PLAGL1: variants seen among roughly 807,000 people sequenced by gnomAD.
The protein encoded by PLAGL1 is PLAG1 like zinc finger 1.
PLAGL1 carries 1 observed loss-of-function variant against 4.6 expected under a neutral mutation model. That is an observed-to-expected ratio of 0.22 (90% CI 0.08 to 1.03). The LOEUF is 1.03. Ranked by LOEUF, PLAGL1 falls within the 50% of genes least tolerant of loss-of-function variation. The pLI is 0.58. For synonymous variants in PLAGL1, 240 were observed against 237.8 expected, an observed-to-expected ratio of 1.01 and a Z score of -0.08; for missense variants, 464 against 570.4, an observed-to-expected ratio of 0.81 and a Z score of 1.90.
intron 1 of PLAGL1, among the ~76,000 whole-genome samples, chr6:144,052,941 C>T (rs547601792): frequency 1.5e-4 from 23 of 152,242 alleles, no homozygotes; most frequent in African/African-American, 5.5e-4. Flanking sequence ...CCATTTAATT[C>T]TTTCTTGGTA....
chr6:144,008,577 G>A (rs1047062798), upstream of PLAGL1, among the ~76,000 whole-genome samples: 3 of 152,248 alleles, frequency 2.0e-5, no homozygotes, highest in Non-Finnish European at 2.9e-5. The surrounding 1 kb of genome is among the most constrained non-coding windows in gnomAD (Gnocchi z 6.9). Flanking sequence ...AGCCAAGGTC[G>A]CCCAGGTACA....
chr6:143,980,657 A>G (rs1013222777), intron 2 of PLAGL1, among the ~76,000 whole-genome samples: 1 of 152,128 alleles, frequency 6.6e-6, no homozygotes, highest in African/African-American at 2.4e-5. Context: ...TAGTACCTCC[A>G]CTTATTAGAT....
chr6:143,970,869 T>G lies in PLAGL1; in HGVS notation c.-543-1891A>C, dbSNP rs901110802. ...GCATAGCAAGACCACAATTTTTAAC[T>G]GCAGTTACTTCCCTGGCCTGTCTGT... On this transcript the variant is annotated intron_variant, in intron 2 of 7. Transcript: ENST00000674357. This position sits in a 1 kb window ranked among gnomAD's most constrained non-coding sequence, Gnocchi z 5.8. Among the ~76,000 whole-genome samples, 1 of 152,220 alleles carries G rather than the reference T, an allele frequency of 6.6e-6. No individual in the cohort carries two copies. The highest frequency in any genetic ancestry group is 2.4e-5 in the African/African-American group (1 of 41,468).
chr6:143,948,044 C>T lies in PLAGL1; in HGVS notation c.93G>A (p.Pro31=), dbSNP rs565249616. 7.4e-5 allele frequency: 120 copies of T among 1,614,016 alleles called. 1 individual carries two copies. In the South Asian group the frequency reaches 1.2e-3, roughly 17 times the overall value. ...CACAGTCAGGCTGCACACACTTGTA[C>T]GGCCGCTCCCTGGAGTGGGAATAAT... ...IHNYSHSRER[P]YKCVQPDCGK... Residue 31 remains proline, a synonymous_variant, in exon 7 of 8, where the codon CCG becomes CCA. Transcript: ENST00000674357. The surrounding 1 kb of genome is among the most constrained non-coding windows in gnomAD (Gnocchi z 6.0).
intron 1 of PLAGL1, among the ~76,000 whole-genome samples, chr6:143,988,323 G>C (rs985122262): frequency 5.9e-5 from 9 of 152,192 alleles, no homozygotes; most frequent in African/African-American, 1.7e-4. Flanking sequence ...AGAGGATAAA[G>C]ACTATATCTG....
chr6:144,043,728 AT>A (rs1797915139), intron 1 of PLAGL1, among the ~76,000 whole-genome samples: 1 of 151,874 alleles, frequency 6.6e-6, no homozygotes, highest in Non-Finnish European at 1.5e-5. Context: ...TTTTCTATTG[AT>A]TGGAATTGTT....
In PLAGL1 at chr6:143,942,015, G is replaced by C; in HGVS notation, c.801C>G (p.Pro267=). The stretch of plus-strand genomic sequence containing the variant: ...GCATAGGCTGGGCGGCTTGTTCTGG[G>C]GGACTGAGGGTGAGGCTATGGACCT... The part of the protein sequence containing the change: ...PAEVHSLTLS[P]PEQAAQPMQP... The change falls in exon 8 of 8, where the codon CCC becomes CCG. Residue 267 remains proline (P), a synonymous_variant. Coordinates refer to ENST00000674357, the MANE Select transcript of PLAGL1 (RefSeq NM_001317162.2). This position sits in a 1 kb window ranked among gnomAD's most constrained non-coding sequence, Gnocchi z 7.6. 3 of 1,595,830 alleles carry C rather than the reference G, an allele frequency of 1.9e-6. No homozygotes were observed. The highest frequency in any genetic ancestry group is 2.6e-6 in the Non-Finnish European group (3 of 1,170,580).
At position 143,960,029 on chromosome 6, in the gene PLAGL1, C is replaced by T. The variant is rs1040033914; in HGVS notation, c.-325+440G>A. 1.3e-5 allele frequency among the ~76,000 whole-genome samples: 2 copies of T among 152,200 alleles called. No homozygotes were observed. The highest frequency in any genetic ancestry group is 2.4e-5 in the African/African-American group (1 of 41,448). ...TGGATTGCCTCATGTGGCTGGGATG[C>T]GACCAGCATCTTTCCCAGGCTTATC... On this transcript the variant is annotated intron_variant, in intron 6 of 7. Transcript: ENST00000674357. This position sits in a 1 kb window ranked among gnomAD's most constrained non-coding sequence, Gnocchi z 5.7.
rs1784233357 is a variant in PLAGL1 at position 143,965,392 on chromosome 6, C to G, written c.-430-574G>C. 1 of 152,182 alleles carries G rather than the reference C, an allele frequency of 6.6e-6. No individual in the cohort carries two copies. Among genetic ancestry groups the G allele is most frequent in the Admixed American group, 6.5e-5 (1 of 15,270 alleles). 9.4% of individuals were successfully genotyped at this position (152,182 alleles called of 1,614,324 possible). ...GAACTTTTAGTGCTGAGAGCTCTGGCTGGGAGAACCTCACATTCCTAAGAA... is the reference window on the plus strand; with the variant it reads ...GAACTTTTAGTGCTGAGAGCTCTGGGTGGGAGAACCTCACATTCCTAAGAA... On this transcript the variant is annotated intron_variant, in intron 4 of 7. Coordinates refer to ENST00000674357, the MANE Select transcript of PLAGL1 (RefSeq NM_001317162.2). The surrounding 1 kb of genome is among the most constrained non-coding windows in gnomAD (Gnocchi z 7.5).
intron 1 of PLAGL1, among the ~76,000 whole-genome samples, chr6:143,992,246 TTC>T (rs1375559253): frequency 2.0e-5 from 3 of 152,344 alleles, no homozygotes; most frequent in East Asian, 3.9e-4. Context: ...CCATTGAATA[TTC>T]TTTTTTTGAA....
rs1328419308 is a variant in PLAGL1 at position 143,989,930 on chromosome 6, G to C, written c.-583-4756C>G. Among the ~76,000 whole-genome samples, 1 of 152,040 alleles carries C rather than the reference G, an allele frequency of 6.6e-6. No homozygotes were observed. The highest frequency in any genetic ancestry group is 1.5e-5 in the Non-Finnish European group (1 of 68,016). On this transcript the variant is annotated intron_variant, in intron 1 of 7. Transcript: ENST00000674357. This position sits in a 1 kb window ranked among gnomAD's most constrained non-coding sequence, Gnocchi z 4.8. ...TTAATGCTTCTGTGAGAAAACAAAA[G>C]CTGTTGGATAGGGCATCTCTGCCTT...
In PLAGL1 at chr6:144,036,071, G is replaced by A. The variant is rs1797216236; in HGVS notation, c.-151+28397C>T. 6.6e-6 allele frequency among the ~76,000 whole-genome samples: 1 copy of A among 152,122 alleles called. No homozygotes were observed. The highest frequency in any genetic ancestry group is 1.5e-5 in the Non-Finnish European group (1 of 68,022). ...CCTCAATGCAGGACTCCAACCCCAA[G>A]AAAGTGCTTCAAGGACACCCCAGGT... On this transcript the variant is annotated intron_variant, in intron 1 of 3. Coordinates refer to the PLAGL1 transcript ENST00000437412. This position sits in a 1 kb window ranked among gnomAD's most constrained non-coding sequence, Gnocchi z 5.1.
At chr6:144,049,513 G>A (rs1247443274) in intron 1 of PLAGL1, among the ~76,000 whole-genome samples, 1 of 152,230 alleles carries the variant, frequency 6.6e-6, no homozygotes, top group Non-Finnish European at 1.5e-5. Flanking sequence ...TACAATCATG[G>A]TGGAAAGCAA....
In PLAGL1 at chr6:143,941,562, C is replaced by G; in HGVS notation, c.1254G>C (p.Leu418=). ...GTGGGGGTTCTTGCTGCTGCTGCCC[C>G]AGACAGCTTAACCTGTGGGGCAAAG... The part of the protein sequence containing the change: ...GESLPHRLSC[L]GQQQQEPPLA... The change falls in exon 8 of 8, where the codon CTG becomes CTC. Residue 418 remains leucine, a synonymous_variant. Coordinates refer to ENST00000674357, the MANE Select transcript of PLAGL1 (RefSeq NM_001317162.2). This position sits in a 1 kb window ranked among gnomAD's most constrained non-coding sequence, Gnocchi z 6.0. 6.3e-7 allele frequency: 1 copy of G among 1,588,954 alleles called. No individual in the cohort carries two copies. Among genetic ancestry groups the G allele is most frequent in the Non-Finnish European group, 8.6e-7 (1 of 1,166,608 alleles).
In PLAGL1 at chr6:143,990,502, G is replaced by A. The variant is rs1413155561; in HGVS notation, c.-583-5328C>T. 2.0e-5 allele frequency among the ~76,000 whole-genome samples: 3 copies of A among 152,100 alleles called. No individual in the cohort carries two copies. Among genetic ancestry groups the A allele is most frequent in the Non-Finnish European group, 4.4e-5 (3 of 68,022 alleles). On this transcript the variant is annotated intron_variant, in intron 1 of 7. Coordinates refer to ENST00000674357, the MANE Select transcript of PLAGL1 (RefSeq NM_001317162.2). This position sits in a 1 kb window ranked among gnomAD's most constrained non-coding sequence, Gnocchi z 5.4. ...CCCACCCTTTCTCAGACAAACTTCTGAAAAGAACAGAAAACTTAGATAATC... is the reference window on the plus strand; with the variant it reads ...CCCACCCTTTCTCAGACAAACTTCTAAAAAGAACAGAAAACTTAGATAATC...
rs768076125 is a variant in PLAGL1 at position 143,941,445 on chromosome 6, A to G, written c.1371T>C (p.His457=). The G allele has an allele frequency of 6.7e-7, 1 of 1,502,524 alleles. No homozygotes were observed. Among genetic ancestry groups the G allele is most frequent in the East Asian group, 2.3e-5 (1 of 43,450 alleles). The allele number at this position is 1,502,524 out of a possible 1,614,324, so 93.1% of individuals were successfully genotyped here. The change falls in exon 8 of 8, where the codon CAT becomes CAC. Residue 457 remains histidine (H), a synonymous_variant. Transcript: ENST00000674357. This position sits in a 1 kb window ranked among gnomAD's most constrained non-coding sequence, Gnocchi z 6.0. ...TCAATTATCTGAATGCATGATGGAA[A>G]TGAGGCAGGATGGCAGAGCCAGTGC... ...SAGTGSAILP[H]FHHAFR is the part of the protein sequence containing the mutation.
rs1796413076 is a variant in PLAGL1, at chr6:144,027,235, G to GAAAGAAAGAA, written c.-151+37223_-151+37232dup. On this transcript the variant is annotated intron_variant, in intron 1 of 3. Transcript: ENST00000437412. This position sits in a 1 kb window ranked among gnomAD's most constrained non-coding sequence, Gnocchi z 5.8. ...AAAGACCCCAACTCAAAGAACGAAC[G>GAAAGAAAGAA]AAAGAAAGAAAGAAAGAAAGAAAGA... is the stretch of plus-strand genomic sequence containing the variant. Among the ~76,000 whole-genome samples the GAAAGAAAGAA allele has an allele frequency of 5.1e-5, 2 of 39,198 alleles. No individual in the cohort carries two copies. Among genetic ancestry groups the GAAAGAAAGAA allele is most frequent in the African/African-American group, 1.3e-4 (2 of 15,348 alleles). The allele number at this position is 39,198 out of a possible 152,430, so 25.7% of individuals were successfully genotyped here.
At position 143,963,872 on chromosome 6, in the gene PLAGL1, G is replaced by A. The variant is rs957906538; in HGVS notation, c.-399+915C>T. On this transcript the variant is annotated intron_variant, in intron 5 of 7. Transcript: ENST00000674357. The surrounding 1 kb of genome is among the most constrained non-coding windows in gnomAD (Gnocchi z 6.1). ...ATTTTACTTTGTTTGAATTCCCAATGATTCTCCTTTCTAGCTCATTTAAAA... is the reference window on the plus strand; with the variant it reads ...ATTTTACTTTGTTTGAATTCCCAATAATTCTCCTTTCTAGCTCATTTAAAA... Among the ~76,000 whole-genome samples, 1 of 152,144 alleles carries A rather than the reference G, an allele frequency of 6.6e-6. No individual in the cohort carries two copies. Among genetic ancestry groups the A allele is most frequent in the African/African-American group, 2.4e-5 (1 of 41,432 alleles).
At chr6:144,023,767 G>C (rs1267103869) in intron 1 of PLAGL1, among the ~76,000 whole-genome samples, 1 of 105,978 alleles carries the variant, frequency 9.4e-6, no homozygotes, top group Non-Finnish European at 1.9e-5. Flanking sequence ...CTCATATTTA[G>C]CTTTTTTTTT....
Sources: allele counts gnomAD v4.1 joint callset (sites outside exome capture counted in the v4.1 genomes callset), GRCh38; gene constraint gnomAD v4.1.1; non-coding constraint Gnocchi (gnomAD v3.1); transcripts MANE v1.5; gene names NCBI Gene and HGNC (gene_info 2026-07-23, HGNC 2026-07-21).